GLCCI1: variants seen among roughly 807,000 people sequenced by gnomAD.
The protein encoded by GLCCI1 is glucocorticoid-induced transcript 1 protein.
A neutral mutation model predicts 52.2 loss-of-function variants in GLCCI1; 24 were observed. That is an observed-to-expected ratio of 0.46 (90% CI 0.33 to 0.65). The LOEUF (loss-of-function observed/expected upper bound fraction) is 0.65. GLCCI1 is among the 30% of genes least tolerant of loss of function. The pLI is 0.02. For missense variants in GLCCI1, 704 were observed against 701.5 expected, an observed-to-expected ratio of 1.00 and a Z score of -0.04; for synonymous variants, 310 against 276.5, an observed-to-expected ratio of 1.12 and a Z score of -1.20.
intron 1 of GLCCI1, among the ~76,000 whole-genome samples, chr7:7,999,953 G>T (rs559566760): frequency 6.6e-6 from 1 of 152,208 alleles, no homozygotes; most frequent in East Asian, 1.9e-4. Context: ...CCATTAAAAT[G>T]GTTCCTATTG....
intron 2 of GLCCI1, among the ~76,000 whole-genome samples, chr7:8,020,396 C>T (rs1046905504): frequency 6.6e-6 from 1 of 152,066 alleles, no homozygotes; most frequent in African/African-American, 2.4e-5. Context: ...GTAGGTAATT[C>T]TTTTGTGTAA....
intron 1 of GLCCI1, among the ~76,000 whole-genome samples, chr7:7,987,639 G>A (rs772340881): frequency 6.6e-6 from 1 of 152,206 alleles, no homozygotes; most frequent in Non-Finnish European, 1.5e-5. Flanking sequence ...CCAGACTGGA[G>A]TGTAATGGCA....
intron 5 of GLCCI1, among the ~76,000 whole-genome samples, chr7:8,068,546 T>G (rs866895802): frequency 6.6e-6 from 1 of 152,244 alleles, no homozygotes; most frequent in African/African-American, 2.4e-5. Context: ...TGTATTATTT[T>G]ATGGTAATCA....
At chr7:8,057,022 G>A (rs966932904) in intron 4 of GLCCI1, among the ~76,000 whole-genome samples, 2 of 152,128 alleles carry the variant, frequency 1.3e-5, no homozygotes, top group African/African-American at 4.8e-5. Context: ...TGATAGGATA[G>A]CTAAAATGAA....
In GLCCI1 at chr7:8,086,497, G is replaced by T; in HGVS notation, c.1603G>T (p.Gly535Cys). The T allele has an allele frequency of 6.2e-7, 1 of 1,613,578 alleles. No individual in the cohort carries two copies. The highest frequency in any genetic ancestry group is 1.1e-5 in the South Asian group (1 of 91,026). The change falls in exon 8 of 8, where the codon GGT becomes TGT. Residue 535 changes from glycine to cysteine, a missense_variant. By Grantham distance (159) the Gly-to-Cys change is radical. Around this residue, in one of 3 missense-constraint regions of GLCCI1, gnomAD observed 149 missense variants for 152.9 expected, o/e 0.97. Coordinates refer to ENST00000223145, the MANE Select transcript of GLCCI1 (RefSeq NM_138426.4). This position sits in a 1 kb window ranked among gnomAD's most constrained non-coding sequence, Gnocchi z 4.4. Reference sequence around the variant, plus strand: ...GCAGCAGCTCCTGCAGGAACTGCAGGGTGAGGACCACATCTCTGCTCAGAA... The same window carrying T: ...GCAGCAGCTCCTGCAGGAACTGCAGTGTGAGGACCACATCTCTGCTCAGAA... ...QQQQLLQELQ[G>C]EDHISAQNYV... is the part of the protein sequence containing the mutation.
chr7:8,002,929 A>T (rs970619261), intron 1 of GLCCI1, among the ~76,000 whole-genome samples: 4 of 152,224 alleles, frequency 2.6e-5, no homozygotes, highest in African/African-American at 9.6e-5. Flanking sequence ...TGAACTGTGT[A>T]TAATGTCTGT....
chr7:7,982,963 G>C (rs1377544491), intron 1 of GLCCI1, among the ~76,000 whole-genome samples: 1 of 152,048 alleles, frequency 6.6e-6, no homozygotes, highest in Non-Finnish European at 1.5e-5. Flanking sequence ...AAAAATATTA[G>C]AATTATAGCC....
At chr7:8,021,145 CGTG>C (rs1370871576) in intron 2 of GLCCI1, among the ~76,000 whole-genome samples, 2 of 152,010 alleles carry the variant, frequency 1.3e-5, no homozygotes, top group Admixed American at 6.6e-5. Context: ...GCTTTTAAGA[CGTG>C]GTGATTATTT....
intron 3 of GLCCI1, among the ~76,000 whole-genome samples, chr7:8,028,102 A>G (rs1269513757): frequency 6.6e-6 from 1 of 152,230 alleles, no homozygotes; most frequent in African/African-American, 2.4e-5. Context: ...GCACTGTAGA[A>G]CAAATGGACC....
intron 5 of GLCCI1, among the ~76,000 whole-genome samples, chr7:8,060,736 G>A (rs888949128): frequency 6.6e-6 from 1 of 152,060 alleles, no homozygotes; most frequent in Non-Finnish European, 1.5e-5. Flanking sequence ...ATGGAAATTT[G>A]GATTGTTTTA....
intron 3 of GLCCI1, among the ~76,000 whole-genome samples, chr7:8,034,116 T>C (rs1409912290): frequency 1.3e-5 from 2 of 152,156 alleles, no homozygotes; most frequent in Non-Finnish European, 2.9e-5. Context: ...TTGTGGTCAG[T>C]TTATTTTAGC....
At chr7:8,059,827 C>T (rs1458256586) in intron 4 of GLCCI1, among the ~76,000 whole-genome samples, 4 of 152,072 alleles carry the variant, frequency 2.6e-5, no homozygotes, top group Non-Finnish European at 5.9e-5. Context: ...GAAGATTCTG[C>T]CATTCTACTG....
At chr7:8,068,211 A>G (rs1476988525) in intron 5 of GLCCI1, among the ~76,000 whole-genome samples, 2 of 152,186 alleles carry the variant, frequency 1.3e-5, no homozygotes, top group Non-Finnish European at 2.9e-5. Context: ...TTAGCCGGTC[A>G]TCGTGGTGGG....
chr7:8,013,407 T>C (rs935039292), intron 2 of GLCCI1, among the ~76,000 whole-genome samples: 1 of 152,216 alleles, frequency 6.6e-6, no homozygotes, highest in Non-Finnish European at 1.5e-5. Flanking sequence ...TGGATCTCTT[T>C]CTGGCTTCTC....
At position 8,041,811 on chromosome 7, in the gene GLCCI1, C is replaced by G. The variant is rs566399410; in HGVS notation, c.697-13622C>G. ...CTCATTATGTTGCCCAGACTGGTCT[C>G]GAACTCCTGGGCTCAAGCAGTCCTC... is the stretch of plus-strand genomic sequence containing the variant. On this transcript the variant is annotated intron_variant, in intron 3 of 7. Transcript: ENST00000223145. Among the ~76,000 whole-genome samples the G allele has an allele frequency of 3.3e-5, 5 of 152,024 alleles. No individual in the cohort carries two copies. The South Asian group carries it at 1.0e-3, about 32-fold the overall frequency.
At chr7:8,009,982 T>C (rs1781232491) in intron 2 of GLCCI1, among the ~76,000 whole-genome samples, 1 of 152,062 alleles carries the variant, frequency 6.6e-6, no homozygotes, top group Admixed American at 6.5e-5. Context: ...TAACTTGTTT[T>C]CTTAATCTTA....
chr7:8,048,496 C>A (rs890949394), intron 3 of GLCCI1, among the ~76,000 whole-genome samples: 1 of 152,114 alleles, frequency 6.6e-6, no homozygotes, highest in South Asian at 2.1e-4. Context: ...ATCATCCTAC[C>A]GCACTCTTTT....
At chr7:8,039,956 C>A (rs1342853869) in intron 3 of GLCCI1, among the ~76,000 whole-genome samples, 1 of 149,532 alleles carries the variant, frequency 6.7e-6, no homozygotes, top group African/African-American at 2.5e-5. Context: ...GAGATCATGC[C>A]ACTGCACTCC....
At chr7:8,032,665 G>C (rs1781780382) in intron 3 of GLCCI1, among the ~76,000 whole-genome samples, 1 of 151,890 alleles carries the variant, frequency 6.6e-6, no homozygotes, top group South Asian at 2.1e-4. Context: ...ATTCCTAAAA[G>C]ACACAAATTA....
Sources: allele counts gnomAD v4.1 joint callset (sites outside exome capture counted in the v4.1 genomes callset), GRCh38; gene constraint gnomAD v4.1.1; regional missense constraint gnomAD v4.1.1; non-coding constraint Gnocchi (gnomAD v3.1); transcripts MANE v1.5; gene names NCBI Gene and HGNC (gene_info 2026-07-23, HGNC 2026-07-21).